The following ASTN2 variants were observed in gnomAD, a reference collection of about 807,000 sequenced individuals.
ASTN2 encodes astrotactin 2.
A neutral mutation model predicts 139.8 loss-of-function variants in ASTN2; 54 were observed. The observed-to-expected ratio is 0.39, with a 90% CI of 0.31 to 0.48. The LOEUF (loss-of-function observed/expected upper bound fraction) is 0.48. Among genes scored for constraint, ASTN2 ranks in the 20% least tolerant of loss-of-function variants. The pLI is 0.95. For synonymous variants in ASTN2, 756 were observed against 719.5 expected, an observed-to-expected ratio of 1.05 and a Z score of -0.81; for missense variants, 1,565 against 1,725.1, an observed-to-expected ratio of 0.91 and a Z score of 1.64.
chr9:116,662,203 G>A (rs1858602195), intron 16 of ASTN2, among the ~76,000 whole-genome samples: 1 of 152,022 alleles, frequency 6.6e-6, no homozygotes, highest in African/African-American at 2.4e-5. Flanking sequence ...CCATAGACAA[G>A]CTTCTTCCTC....
intron 20 of ASTN2, among the ~76,000 whole-genome samples, chr9:116,481,460 C>A (rs972035980): frequency 6.6e-6 from 1 of 152,130 alleles, no homozygotes; most frequent in Non-Finnish European, 1.5e-5. Flanking sequence ...GGGTAAAAAC[C>A]CACCTCTGTC....
intron 7 of ASTN2, among the ~76,000 whole-genome samples, chr9:116,979,729 T>C (rs938525299): frequency 2.6e-5 from 4 of 151,916 alleles, no homozygotes; most frequent in African/African-American, 4.8e-5. Flanking sequence ...GAGCAGGAAG[T>C]CAGGCTGGGG....
At chr9:117,196,008 T>C (rs1176195934) in intron 3 of ASTN2, among the ~76,000 whole-genome samples, 3 of 152,196 alleles carry the variant, frequency 2.0e-5, no homozygotes, top group Non-Finnish European at 2.9e-5. Flanking sequence ...ATGGTTGCTG[T>C]GCATTAGCTC....
At chr9:116,931,484 T>C (rs1685433081) in intron 10 of ASTN2, among the ~76,000 whole-genome samples, 1 of 152,218 alleles carries the variant, frequency 6.6e-6, no homozygotes, top group South Asian at 2.1e-4. Flanking sequence ...AGGCAGATTC[T>C]TAGGTTTTAC....
intron 17 of ASTN2, among the ~76,000 whole-genome samples, chr9:116,639,000 A>C (rs1041031124): frequency 6.6e-6 from 1 of 152,230 alleles, no homozygotes; most frequent in Admixed American, 6.5e-5. Context: ...CAAAATTACC[A>C]GGGCAGTGTA....
chr9:117,043,822 C>T (rs1289421408), intron 5 of ASTN2, among the ~76,000 whole-genome samples: 4 of 150,586 alleles, frequency 2.7e-5, no homozygotes, highest in African/African-American at 2.4e-5. Context: ...GCACGAGAAT[C>T]GCTTGAACCC....
chr9:116,459,046 T>C (rs1207148249), intron 20 of ASTN2, among the ~76,000 whole-genome samples: 1 of 151,976 alleles, frequency 6.6e-6, no homozygotes, highest in East Asian at 1.9e-4. Context: ...GAGACACCAG[T>C]ATGAGGACAG....
At chr9:116,594,946 G>A (rs569789490) in intron 19 of ASTN2, among the ~76,000 whole-genome samples, 2 of 152,004 alleles carry the variant, frequency 1.3e-5, no homozygotes, top group South Asian at 4.2e-4. Flanking sequence ...TAAATACATA[G>A]GTACATACAT....
intron 19 of ASTN2, among the ~76,000 whole-genome samples, chr9:116,531,876 T>C (rs1851367967): frequency 6.6e-6 from 1 of 152,220 alleles, no homozygotes; most frequent in African/African-American, 2.4e-5. Flanking sequence ...TTTGGGTATA[T>C]ACCCAGTAAT....
chr9:117,143,423 G>T (rs1031421985), intron 3 of ASTN2, among the ~76,000 whole-genome samples: 8 of 152,146 alleles, frequency 5.3e-5, no homozygotes, highest in Admixed American at 2.0e-4. Flanking sequence ...CAATAGATGG[G>T]CTATACTTTG....
intron 1 of ASTN2, among the ~76,000 whole-genome samples, chr9:117,317,383 C>G (rs1828177312): frequency 6.6e-6 from 1 of 152,144 alleles, no homozygotes; most frequent in Non-Finnish European, 1.5e-5. Flanking sequence ...GTGGCCCTAT[C>G]TAGATATTAT....
intron 19 of ASTN2, among the ~76,000 whole-genome samples, chr9:116,551,392 C>A (rs1247486771): frequency 2.6e-5 from 4 of 152,184 alleles, no homozygotes; most frequent in Admixed American, 2.6e-4. Flanking sequence ...ATTCTGCCAT[C>A]ACCCATAATT....
intron 5 of ASTN2, among the ~76,000 whole-genome samples, chr9:117,061,834 G>C (rs1839303304): frequency 6.6e-6 from 1 of 152,156 alleles, no homozygotes; most frequent in Admixed American, 6.5e-5. Context: ...AGGAAGAAAA[G>C]GGGAGAGTTG....
chr9:116,911,759 C>A (rs1252236479), intron 10 of ASTN2, among the ~76,000 whole-genome samples: 1 of 152,034 alleles, frequency 6.6e-6, no homozygotes, highest in Non-Finnish European at 1.5e-5. Context: ...AAAAAGTTAG[C>A]CAGGCGTGGT....
chr9:116,912,828 A>G (rs1041823884), intron 10 of ASTN2, among the ~76,000 whole-genome samples: 2 of 152,090 alleles, frequency 1.3e-5, no homozygotes, highest in Admixed American at 6.5e-5. Flanking sequence ...AAGAACATCA[A>G]CTTCATACTG....
At chr9:117,060,821 G>T (rs1426334886) in intron 5 of ASTN2, among the ~76,000 whole-genome samples, 1 of 152,122 alleles carries the variant, frequency 6.6e-6, no homozygotes, top group Non-Finnish European at 1.5e-5. Flanking sequence ...CATGAACCCA[G>T]GAGGTGGAGC....
intron 2 of ASTN2, among the ~76,000 whole-genome samples, chr9:117,252,475 A>C (rs574269442): frequency 3.1e-4 from 47 of 152,322 alleles, no homozygotes; most frequent in Non-Finnish European, 1.0e-4. Flanking sequence ...CCAGACACGC[A>C]CTACCACCAA....
At chr9:116,798,437 G>A (rs1289662418) in intron 13 of ASTN2, among the ~76,000 whole-genome samples, 1 of 152,202 alleles carries the variant, frequency 6.6e-6, no homozygotes, top group Admixed American at 6.5e-5. Context: ...GAGAGTGCTG[G>A]GAGCCTTGAA....
In ASTN2 at chr9:116,626,751, T is replaced by C. The variant is rs113931970; in HGVS notation, c.3073-6308A>G. ...CATCCCAACTTTATGGGGAAACATA[T>C]ATTGTAAGCATGGTGCGCCCATGCT... On this transcript the variant is annotated intron_variant, in intron 17 of 22. Transcript: ENST00000313400. 1.3e-4 allele frequency among the ~76,000 whole-genome samples: 20 copies of C among 152,276 alleles called. No individual in the cohort carries two copies. The East Asian group carries it at 3.5e-3, about 27-fold the overall frequency.
Sources: allele counts gnomAD v4.1 joint callset (sites outside exome capture counted in the v4.1 genomes callset), GRCh38; gene constraint gnomAD v4.1.1; transcripts MANE v1.5; gene names NCBI Gene and HGNC (gene_info 2026-07-23, HGNC 2026-07-21).